HYCC2: variants seen among roughly 807,000 people sequenced by gnomAD.
The protein encoded by HYCC2 is hyccin 2.
At chr2:201,063,573 T>C in the HYCC2 span, 469 of 1,586,154 alleles carry the variant, frequency 3.0e-4, 3 homozygotes, top group South Asian at 2.6e-3. Flanking sequence ...GTGGATAAGA[T>C]TGTCATTCAG....
At chr2:201,032,254 G>A in the HYCC2 span, among the ~76,000 whole-genome samples, 5 of 152,180 alleles carry the variant, frequency 3.3e-5, no homozygotes, top group East Asian at 1.9e-4. Flanking sequence ...CAGCCACCAC[G>A]CCCAGCCTAT....
chr2:201,068,892 A>G, the HYCC2 span, among the ~76,000 whole-genome samples: 1 of 152,146 alleles, frequency 6.6e-6, no homozygotes, highest in Non-Finnish European at 1.5e-5. Context: ...TGACCAGATA[A>G]AGTGTAAAAA....
chr2:201,042,404 T>C, the HYCC2 span, among the ~76,000 whole-genome samples: 993 of 151,578 alleles, frequency 6.6e-3, 9 homozygotes, highest in Middle Eastern at 0.034. Context: ...GGAGCGTCTC[T>C]GCCCGGCCGC....
chr2:201,033,861 C>T, the HYCC2 span, among the ~76,000 whole-genome samples: 1 of 151,886 alleles, frequency 6.6e-6, no homozygotes, highest in African/African-American at 2.4e-5. Context: ...TTTTAAAAAG[C>T]AACACAAATC....
the HYCC2 span, among the ~76,000 whole-genome samples, chr2:201,026,673 C>T: frequency 1.3e-5 from 2 of 152,194 alleles, no homozygotes; most frequent in African/African-American, 4.8e-5. Context: ...CTCAAAACCA[C>T]ACAACTACAT....
At chr2:201,034,415 A>C in the HYCC2 span, among the ~76,000 whole-genome samples, 1,089 of 152,272 alleles carry the variant, frequency 7.2e-3, 16 homozygotes, top group African/African-American at 0.025. Flanking sequence ...TTTATCAGAA[A>C]CTAGGATTGC....
At chr2:201,015,740 C>A in the HYCC2 span, among the ~76,000 whole-genome samples, 1 of 152,182 alleles carries the variant, frequency 6.6e-6, no homozygotes, top group Non-Finnish European at 1.5e-5. Context: ...TCTTTTCCAG[C>A]TTGCATATAT....
At chr2:200,982,305 A>C in the HYCC2 span, among the ~76,000 whole-genome samples, 1 of 151,928 alleles carries the variant, frequency 6.6e-6, no homozygotes, top group Non-Finnish European at 1.5e-5. Context: ...ACCCTCTTCT[A>C]ATTCCAGTTA....
chr2:200,984,413 G>C, the HYCC2 span, among the ~76,000 whole-genome samples: 1 of 152,202 alleles, frequency 6.6e-6, no homozygotes, highest in Admixed American at 6.5e-5. Context: ...AGAAAAGTAA[G>C]TGATGGGCTT....
the HYCC2 span, among the ~76,000 whole-genome samples, chr2:200,983,788 T>C: frequency 6.6e-6 from 1 of 152,128 alleles, no homozygotes; most frequent in Non-Finnish European, 1.5e-5. Context: ...AACAGAAATG[T>C]ATCATTAGGT....
the HYCC2 span, chr2:200,978,293 C>T: frequency 2.0e-5 from 3 of 152,016 alleles, no homozygotes; most frequent in Non-Finnish European, 4.4e-5. Flanking sequence ...TGTTGTAAGA[C>T]CCTGAATGCA....
At chr2:201,003,001 T>C in the HYCC2 span, among the ~76,000 whole-genome samples, 1 of 152,184 alleles carries the variant, frequency 6.6e-6, no homozygotes, top group East Asian at 1.9e-4. Flanking sequence ...TGATGGTACA[T>C]ACATAAAATG....
the HYCC2 span, among the ~76,000 whole-genome samples, chr2:201,051,769 T>G: frequency 6.6e-6 from 1 of 152,196 alleles, no homozygotes; most frequent in Middle Eastern, 3.2e-3. Context: ...ACCTTGGTAT[T>G]AAGCATATGT....
At chr2:200,988,322 T>G in the HYCC2 span, 2 of 1,613,932 alleles carry the variant, frequency 1.2e-6, no homozygotes, top group Non-Finnish European at 1.7e-6. Flanking sequence ...CGAGAAATCC[T>G]CGGCACTGTT....
At chr2:201,032,128 T>C in the HYCC2 span, among the ~76,000 whole-genome samples, 1 of 151,948 alleles carries the variant, frequency 6.6e-6, no homozygotes, top group Admixed American at 6.6e-5. Context: ...GCCCGGCTAA[T>C]TTTTTGTATT....
chr2:201,020,037 T>C, the HYCC2 span, among the ~76,000 whole-genome samples: 2 of 152,098 alleles, frequency 1.3e-5, no homozygotes, highest in Non-Finnish European at 2.9e-5. Flanking sequence ...TGAGCTATAA[T>C]GGTGCCACTG....
chr2:201,041,775 A>T, the HYCC2 span, among the ~76,000 whole-genome samples: 1 of 152,340 alleles, frequency 6.6e-6, no homozygotes, highest in East Asian at 1.9e-4. Flanking sequence ...TAAGACGGGT[A>T]CTTAAAAAAC....
the HYCC2 span, chr2:201,063,542 A>G: frequency 1.9e-6 from 3 of 1,588,216 alleles, no homozygotes; most frequent in Non-Finnish European, 2.6e-6. Flanking sequence ...TGCCTTTGTA[A>G]CCTTTGATGA....
At chr2:201,063,174 G>C in the HYCC2 span, 5 of 1,610,010 alleles carry the variant, frequency 3.1e-6, no homozygotes, top group Non-Finnish European at 3.4e-6. Flanking sequence ...ACCGATGAGA[G>C]CCTGAGGAGC....
Sources: gnomAD v4.1 joint callset for allele counts (sites outside exome capture counted in the v4.1 genomes callset) on GRCh38, gnomAD v4.1.1 for gene constraint, MANE v1.5 for transcripts, NCBI Gene and HGNC (gene_info 2026-07-23, HGNC 2026-07-21) for gene names.